Variants in PHACTR2 observed in about 807,000 individuals in gnomAD.
PHACTR2 encodes the protein chromosome 6 open reading frame 56.
PHACTR2 carries 30 observed loss-of-function variants against 76.0 expected under a neutral mutation model. That is an observed-to-expected ratio of 0.39 (90% confidence interval 0.30 to 0.54). The LOEUF (loss-of-function observed/expected upper bound fraction) is 0.54, where lower values mean the gene tolerates loss of function less well. Among genes scored for constraint, PHACTR2 ranks in the 20% least tolerant of loss-of-function variants. PHACTR2 has a pLI of 0.61. For missense variants in PHACTR2, 696 were observed against 781.1 expected, an observed-to-expected ratio of 0.89 and a Z score of 1.30; for synonymous variants, 292 against 292.5, an observed-to-expected ratio of 1.00 and a Z score of 0.02.
chr6:143,737,648 C>T (rs917371756), intron 2 of PHACTR2, among the ~76,000 whole-genome samples: 2 of 152,214 alleles, frequency 1.3e-5, no homozygotes, highest in Non-Finnish European at 2.9e-5. Context: ...GCTTTGCTAT[C>T]AAACCTTAAG....
Position 143,561,411 on chromosome 6 carries a change from C to T in PHACTR2, c.217+24204C>T, listed in dbSNP as rs529286896. On this transcript the variant is annotated intron_variant, in intron 1 of 11. Transcript: ENST00000367584. The surrounding 1 kb of genome is among the most constrained non-coding windows in gnomAD (Gnocchi z 4.1). Reference sequence around the variant, plus strand: ...AATGTGAGAAGTTGTTGGAGAAGAACGTTCAGGAAGAAATTTTGTGGTGAT... The same window carrying T: ...AATGTGAGAAGTTGTTGGAGAAGAATGTTCAGGAAGAAATTTTGTGGTGAT... The T allele has an allele frequency of 9.2e-5, 14 of 152,342 alleles. No homozygotes were observed. The highest frequency in any genetic ancestry group is 3.1e-4 in the African/African-American group (13 of 41,546). 9.4% of individuals were successfully genotyped at this position (152,342 alleles called of 1,614,324 possible). A position where few individuals can be genotyped will look rare whatever the true frequency, so the allele number is the denominator to read the frequency against.
In PHACTR2 at chr6:143,597,591, C is replaced by A. The variant is rs1213160407; in HGVS notation, c.217+60384C>A. 6.6e-6 allele frequency among the ~76,000 whole-genome samples: 1 copy of A among 152,106 alleles called. No homozygotes were observed. On this transcript the variant is annotated intron_variant, in intron 1 of 11. Transcript: ENST00000367584. This position sits in a 1 kb window ranked among gnomAD's most constrained non-coding sequence, Gnocchi z 5.7. ...GATTCCTCTTCTGCTGTCTGTTTTT[C>A]CTGATGGGAGCCAGTGATAAAAGGA... is the stretch of plus-strand genomic sequence containing the variant.
intron 1 of PHACTR2, among the ~76,000 whole-genome samples, chr6:143,643,488 G>A (rs1158686013): frequency 6.6e-6 from 1 of 152,110 alleles, no homozygotes; most frequent in Non-Finnish European, 1.5e-5. Context: ...CAAGTCACTG[G>A]TTATAACAAT....
At position 143,827,182 on chromosome 6, in the gene PHACTR2, A is replaced by ATG. The variant is rs1776559752; in HGVS notation, c.*3494_*3495insGT. 2 of 130,118 alleles carry ATG rather than the reference A, an allele frequency of 1.5e-5. No homozygotes were observed. The highest frequency in any genetic ancestry group is 3.3e-5 in the Non-Finnish European group (2 of 60,880). 8.1% of individuals were successfully genotyped at this position (130,118 alleles called of 1,614,324 possible). ...TATATATATATATATATATATATAT[A>ATG]TATATATATATATATATGTATATTA... On this transcript the variant is annotated 3_prime_UTR_variant, in exon 13 of 13. Transcript: ENST00000440869.
At position 143,807,128 on chromosome 6, in the gene PHACTR2, T is replaced by C; in HGVS notation, c.1917T>C (p.Phe639=). Reference sequence around the variant, plus strand: ...AAGTTCATGAAGAGAGTCGACAGTTTACAAGGTAGGTGACAAAATGCAGCT... The same window carrying C: ...AAGTTCATGAAGAGAGTCGACAGTTCACAAGGTAGGTGACAAAATGCAGCT... ...EMEVHEESRQ[F]TRFHRP is the part of the protein sequence containing the mutation. Residue 639 remains phenylalanine (F), a synonymous_variant, in exon 12 of 13, where the codon TTT becomes TTC. Coordinates refer to ENST00000440869, the MANE Select transcript of PHACTR2 (RefSeq NM_001100164.2). This position sits in a 1 kb window ranked among gnomAD's most constrained non-coding sequence, Gnocchi z 5.5. 1 of 1,593,098 alleles carries C rather than the reference T, an allele frequency of 6.3e-7. No homozygotes were observed. Among genetic ancestry groups the C allele is most frequent in the Non-Finnish European group, 8.6e-7 (1 of 1,162,746 alleles).
chr6:143,718,966 T>A (rs988636334), intron 2 of PHACTR2, among the ~76,000 whole-genome samples: 5 of 143,488 alleles, frequency 3.5e-5, no homozygotes, highest in Non-Finnish European at 1.5e-5. Flanking sequence ...CACTGCAACC[T>A]CTGCCTCCTG....
At chr6:143,572,646 G>A (rs575301323) in intron 1 of PHACTR2, among the ~76,000 whole-genome samples, 16 of 152,152 alleles carry the variant, frequency 1.1e-4, no homozygotes, top group East Asian at 1.9e-4. Flanking sequence ...TCCACCTCCC[G>A]GGCTCAAGCA....
rs188605815 is a variant in PHACTR2, at chr6:143,591,985, C to T, written c.217+54778C>T. Among the ~76,000 whole-genome samples the T allele has an allele frequency of 6.6e-6, 1 of 152,214 alleles. No individual in the cohort carries two copies. Among genetic ancestry groups the T allele is most frequent in the Admixed American group, 6.5e-5 (1 of 15,292 alleles). On this transcript the variant is annotated intron_variant, in intron 1 of 11. Coordinates refer to the PHACTR2 transcript ENST00000367584. This position sits in a 1 kb window ranked among gnomAD's most constrained non-coding sequence, Gnocchi z 6.4. ...GACCCGAGGGTTAGCCTGGGCATGG[C>T]TGTTTGTGGGTTGTGTTGACAGAAG...
intron 1 of PHACTR2, among the ~76,000 whole-genome samples, chr6:143,687,270 C>T (rs954766589): frequency 7.2e-5 from 11 of 152,100 alleles, no homozygotes; most frequent in Non-Finnish European, 1.2e-4. Flanking sequence ...AACATAATGA[C>T]TAATGAGCAA....
At position 143,774,826 on chromosome 6, in the gene PHACTR2, C is replaced by T. The variant is rs775485647; in HGVS notation, c.1589+611C>T. Among the ~76,000 whole-genome samples the T allele has an allele frequency of 2.6e-5, 4 of 152,234 alleles. No individual in the cohort carries two copies. The highest frequency in any genetic ancestry group is 4.4e-5 in the Non-Finnish European group (3 of 68,038). The stretch of plus-strand genomic sequence containing the variant: ...GTAAATGGATCATCTGACATCTCTT[C>T]CTGCCTCCAACCATTGTATAGGATT... On this transcript the variant is annotated intron_variant, in intron 8 of 12. Transcript: ENST00000440869. The surrounding 1 kb of genome is among the most constrained non-coding windows in gnomAD (Gnocchi z 5.4).
rs1775733067 is a variant in PHACTR2 at position 143,595,060 on chromosome 6, G to T, written c.217+57853G>T. On this transcript the variant is annotated intron_variant, in intron 1 of 11. Coordinates refer to the PHACTR2 transcript ENST00000367584. The surrounding 1 kb of genome is among the most constrained non-coding windows in gnomAD (Gnocchi z 4.2). ...TCCTAAAATCAGTCTTTTTCTGTTA[G>T]ATCTTCAAACCAGGTTTTAGAAGCA... Among the ~76,000 whole-genome samples the T allele has an allele frequency of 6.6e-6, 1 of 152,138 alleles. No individual in the cohort carries two copies. Among genetic ancestry groups the T allele is most frequent in the Non-Finnish European group, 1.5e-5 (1 of 68,030 alleles).
rs1776886262 is a variant in PHACTR2, at chr6:143,658,327, A to C, written c.13+50005A>C. Reference sequence around the variant, plus strand: ...AGGTGAAACTTAAATATGAACTTAAAACTTAACCTGAAGTTGACCTCCTTA... The same window carrying C: ...AGGTGAAACTTAAATATGAACTTAACACTTAACCTGAAGTTGACCTCCTTA... On this transcript the variant is annotated intron_variant, in intron 1 of 11. Coordinates refer to the PHACTR2 transcript ENST00000305766. The surrounding 1 kb of genome is among the most constrained non-coding windows in gnomAD (Gnocchi z 4.1). Among the ~76,000 whole-genome samples, 1 of 152,210 alleles carries C rather than the reference A, an allele frequency of 6.6e-6. No homozygotes were observed.
At chr6:143,785,992 T>C (rs552630084) in intron 10 of PHACTR2, among the ~76,000 whole-genome samples, 1 of 152,348 alleles carries the variant, frequency 6.6e-6, no homozygotes, top group Admixed American at 6.5e-5. Context: ...TTCCCCATGG[T>C]CTTGAGGATT....
At chr6:143,564,803 A>G (rs574168167) in intron 1 of PHACTR2, among the ~76,000 whole-genome samples, 2 of 152,320 alleles carry the variant, frequency 1.3e-5, no homozygotes, top group African/African-American at 2.4e-5. Context: ...ACAGTCCCTA[A>G]AATAACAACT....
Position 143,591,953 on chromosome 6 carries a change from CT to C in PHACTR2, c.217+54748del, listed in dbSNP as rs1246758608. 6.6e-6 allele frequency among the ~76,000 whole-genome samples: 1 copy of C among 152,178 alleles called. No homozygotes were observed. Among genetic ancestry groups the C allele is most frequent in the African/African-American group, 2.4e-5 (1 of 41,442 alleles). On this transcript the variant is annotated intron_variant, in intron 1 of 11. Transcript: ENST00000367584. The surrounding 1 kb of genome is among the most constrained non-coding windows in gnomAD (Gnocchi z 6.4). ...ATTGAAGGCAGATTGTACTTCTGGTCTTCCTAGACCCGAGGGTTAGCCTGGG... is the reference window on the plus strand; with the variant it reads ...ATTGAAGGCAGATTGTACTTCTGGTCTCCTAGACCCGAGGGTTAGCCTGGG...
chr6:143,706,898 T>G lies in PHACTR2; in HGVS notation c.47-5118T>G, dbSNP rs1487414532. Among the ~76,000 whole-genome samples, 5 of 152,230 alleles carry G rather than the reference T, an allele frequency of 3.3e-5. No individual in the cohort carries two copies. The East Asian group carries it at 9.6e-4, about 29-fold the overall frequency. On this transcript the variant is annotated intron_variant, in intron 1 of 12. Transcript: ENST00000440869. ...TATACCATCAGTTCACCCTAACCAGTAGTGGGTAGCTTCTGTGCCCAGATG... is the reference window on the plus strand; with the variant it reads ...TATACCATCAGTTCACCCTAACCAGGAGTGGGTAGCTTCTGTGCCCAGATG...
At position 143,548,990 on chromosome 6, in the gene PHACTR2, T is replaced by C. The variant is rs1286316525; in HGVS notation, c.217+11783T>C. Among the ~76,000 whole-genome samples, 1 of 151,904 alleles carries C rather than the reference T, an allele frequency of 6.6e-6. No homozygotes were observed. The highest frequency in any genetic ancestry group is 1.9e-4 in the East Asian group (1 of 5,192). ...TTGGCTGGGGTGAGGTGGGGGCACCTGTGGCTTGAGGAGTATAAAGAGTAC... is the reference window on the plus strand; with the variant it reads ...TTGGCTGGGGTGAGGTGGGGGCACCCGTGGCTTGAGGAGTATAAAGAGTAC... On this transcript the variant is annotated intron_variant, in intron 1 of 11. Coordinates refer to the PHACTR2 transcript ENST00000367584. The surrounding 1 kb of genome is among the most constrained non-coding windows in gnomAD (Gnocchi z 4.5).
At position 143,696,715 on chromosome 6, in the gene PHACTR2, G is replaced by A. The variant is rs759990656; in HGVS notation, c.47-15301G>A. 2.0e-5 allele frequency among the ~76,000 whole-genome samples: 3 copies of A among 152,104 alleles called. No homozygotes were observed. Among genetic ancestry groups the A allele is most frequent in the Admixed American group, 1.3e-4 (2 of 15,260 alleles). The stretch of plus-strand genomic sequence containing the variant: ...GCTATTTCCTATTTTTTAAGCATAC[G>A]CAAAGTCATATCAGGGTGACACATA... On this transcript the variant is annotated intron_variant, in intron 1 of 12. Coordinates refer to ENST00000440869, the MANE Select transcript of PHACTR2 (RefSeq NM_001100164.2). This position sits in a 1 kb window ranked among gnomAD's most constrained non-coding sequence, Gnocchi z 4.1.
chr6:143,724,731 G>A (rs549974632), intron 2 of PHACTR2, among the ~76,000 whole-genome samples: 9 of 152,106 alleles, frequency 5.9e-5, no homozygotes, highest in Non-Finnish European at 1.0e-4. Context: ...CTTTTTTGTT[G>A]AGCCCTGGTT....
Sources: gnomAD v4.1 joint callset for allele counts (sites outside exome capture counted in the v4.1 genomes callset) on GRCh38, gnomAD v4.1.1 for gene constraint, Gnocchi (gnomAD v3.1) non-coding constraint, MANE v1.5 for transcripts, NCBI Gene and HGNC (gene_info 2026-07-23, HGNC 2026-07-21) for gene names.